The following CFAP61 variants were observed in gnomAD, a reference collection of about 807,000 sequenced individuals.
CFAP61 encodes the protein cilia and flagella associated protein 61.
In CFAP61, 107 loss-of-function variants were observed where a neutral mutation model predicts 135.6. That is an observed-to-expected ratio of 0.79 (90% CI 0.67 to 0.93). The LOEUF is 0.93. CFAP61 is among the 40% of genes least tolerant of loss of function. The pLI is 0.00. For synonymous variants in CFAP61, 575 were observed against 578.5 expected (o/e 0.99, Z 0.09); for missense variants, 1,507 against 1,556.2 (o/e 0.97, Z 0.53).
chr20:20,354,275 G>A (rs1194328296), intron 26 of CFAP61, among the ~76,000 whole-genome samples: 3 of 152,172 alleles, frequency 2.0e-5, no homozygotes, highest in Admixed American at 6.5e-5. Context: ...GCTGAGGCAG[G>A]TGGATCATTT....
intron 13 of CFAP61, among the ~76,000 whole-genome samples, chr20:20,169,942 T>C (rs1315845759): frequency 6.6e-6 from 1 of 152,220 alleles, no homozygotes; most frequent in Non-Finnish European, 1.5e-5. Flanking sequence ...TAAATGTAAG[T>C]ATTGAAAACA....
intron 21 of CFAP61, among the ~76,000 whole-genome samples, chr20:20,264,175 A>G (rs1356588892): frequency 2.0e-5 from 3 of 152,180 alleles, no homozygotes; most frequent in Non-Finnish European, 4.4e-5. Flanking sequence ...ATTTGCTGAT[A>G]CTATTTATAG....
chr20:20,324,829 T>C (rs986014682), intron 25 of CFAP61, among the ~76,000 whole-genome samples: 3 of 152,192 alleles, frequency 2.0e-5, no homozygotes, highest in African/African-American at 7.2e-5. Context: ...CATAGGTTTA[T>C]TAGTCATTTG....
intron 9 of CFAP61, among the ~76,000 whole-genome samples, chr20:20,148,981 G>A (rs2052154522): frequency 6.6e-6 from 1 of 152,174 alleles, no homozygotes. Context: ...ATACAGTGAA[G>A]CAAAAGCTTG....
chr20:20,060,494 T>C (rs113171978), intron 2 of CFAP61, among the ~76,000 whole-genome samples: 2 of 152,346 alleles, frequency 1.3e-5, no homozygotes, highest in African/African-American at 4.8e-5. Context: ...ATAAACCATA[T>C]GTTAAAACTA....
intron 13 of CFAP61, chr20:20,172,027 A>G (rs2146828093): frequency 7.9e-6 from 3 of 379,094 alleles, no homozygotes; most frequent in Non-Finnish European, 9.2e-6. Context: ...ACTTGGTTGC[A>G]TGGCCCTACT....
At chr20:20,083,706 G>A (rs1312314811) in intron 6 of CFAP61, among the ~76,000 whole-genome samples, 8 of 152,212 alleles carry the variant, frequency 5.3e-5, no homozygotes, top group Admixed American at 2.6e-4. Flanking sequence ...AAGGGATAGG[G>A]CAATTACAGA....
At chr20:20,302,225 T>A (rs2056153319) in intron 25 of CFAP61, among the ~76,000 whole-genome samples, 1 of 152,248 alleles carries the variant, frequency 6.6e-6, no homozygotes, top group Non-Finnish European at 1.5e-5. Flanking sequence ...TCTGAAAGTT[T>A]TGAATAATTT....
intron 8 of CFAP61, 135 bp downstream of exon 8, chr20:20,098,949 A>G: frequency 1.3e-6 from 1 of 761,066 alleles, no homozygotes; most frequent in Non-Finnish European, 2.0e-6. Flanking sequence ...AGTAGTTCCC[A>G]TGGTTGGTCA....
intron 19 of CFAP61, among the ~76,000 whole-genome samples, chr20:20,249,061 C>G (rs1381214002): frequency 2.0e-5 from 3 of 152,168 alleles, no homozygotes; most frequent in East Asian, 3.8e-4. Flanking sequence ...AGGTATTTCT[C>G]TCACCACCAG....
intron 21 of CFAP61, among the ~76,000 whole-genome samples, chr20:20,271,732 T>C (rs1432123967): frequency 6.6e-6 from 1 of 152,226 alleles, no homozygotes; most frequent in African/African-American, 2.4e-5. Flanking sequence ...TTATCCTTTA[T>C]GGGGAATCCA....
intron 19 of CFAP61, among the ~76,000 whole-genome samples, chr20:20,251,224 G>A (rs1177695394): frequency 1.3e-5 from 2 of 152,132 alleles, no homozygotes; most frequent in African/African-American, 2.4e-5. Flanking sequence ...CATTGAGGCT[G>A]TGGTCAATAC....
intron 7 of CFAP61, among the ~76,000 whole-genome samples, chr20:20,095,127 T>G (rs2047473590): frequency 6.6e-6 from 1 of 151,628 alleles, no homozygotes; most frequent in Admixed American, 6.6e-5. Flanking sequence ...TTCTTGAGGG[T>G]TTTTTTTTAA....
In CFAP61 at chr20:20,277,514, G is replaced by A. The variant is rs1432191035; in HGVS notation, c.2796+56G>A. The A allele has an allele frequency of 6.6e-6, 10 of 1,503,820 alleles. No individual in the cohort carries two copies. The African/African-American group carries it at 1.4e-4, about 21-fold the overall frequency. The allele number at this position is 1,503,820 out of a possible 1,614,324, so 93.2% of individuals were successfully genotyped here. ...AGCCAGGGACAGAGGACATCTCCAAGGGATTTGGGGGTCTGGAAGATTGCG... is the reference window on the plus strand; with the variant it reads ...AGCCAGGGACAGAGGACATCTCCAAAGGATTTGGGGGTCTGGAAGATTGCG... On this transcript the variant is annotated intron_variant, in intron 22 of 26. Coordinates refer to ENST00000245957, the MANE Select transcript of CFAP61 (RefSeq NM_015585.4).
intron 24 of CFAP61, among the ~76,000 whole-genome samples, chr20:20,291,925 C>T (rs931433673): frequency 6.6e-6 from 1 of 152,198 alleles, no homozygotes; most frequent in Non-Finnish European, 1.5e-5. Flanking sequence ...ATTTTCTTCT[C>T]TTGAATATTT....
rs775537261 is a variant in CFAP61, at chr20:20,246,104, T to C, written c.2061-13T>C. The C allele has an allele frequency of 1.3e-6, 2 of 1,540,354 alleles. No homozygotes were observed. Among genetic ancestry groups the C allele is most frequent in the South Asian group, 2.3e-5 (2 of 86,280 alleles). On this transcript the variant is annotated splice_polypyrimidine_tract_variant and intron_variant, in intron 18 of 26. Coordinates refer to ENST00000245957, the MANE Select transcript of CFAP61 (RefSeq NM_015585.4). Reference sequence around the variant, plus strand: ...TTAACTGCTTGTTCTTTTTCATTTTTCTTTTTCTTTAGCTCTCACATGAAG... The same window carrying C: ...TTAACTGCTTGTTCTTTTTCATTTTCCTTTTTCTTTAGCTCTCACATGAAG...
intron 3 of CFAP61, 91 bp downstream of exon 3, chr20:20,071,095 G>A (rs1291981692): frequency 7.6e-6 from 10 of 1,320,668 alleles, no homozygotes; most frequent in Non-Finnish European, 9.6e-6. Context: ...GTTTTGTACT[G>A]AGCAGTATAT....
intron 18 of CFAP61, among the ~76,000 whole-genome samples, chr20:20,230,086 A>T (rs2049019574): frequency 1.3e-5 from 2 of 152,238 alleles, no homozygotes; most frequent in Admixed American, 1.3e-4. Flanking sequence ...ATAATGTTTT[A>T]TTTAAATGAT....
chr20:20,146,408 G>T (rs528535678), intron 9 of CFAP61, among the ~76,000 whole-genome samples: 22 of 152,252 alleles, frequency 1.4e-4, no homozygotes, highest in African/African-American at 5.1e-4. Context: ...AGCAACTTTT[G>T]GTATTACCAG....
Sources: allele counts gnomAD v4.1 joint callset (sites outside exome capture counted in the v4.1 genomes callset), GRCh38; gene constraint gnomAD v4.1.1; transcripts MANE v1.5; gene names NCBI Gene and HGNC (gene_info 2026-07-23, HGNC 2026-07-21).